Variants in ZMYM2 observed in about 807,000 individuals in gnomAD.
The protein encoded by ZMYM2 is zinc finger MYM-type containing 2.
Under a neutral mutation model 162.8 loss-of-function variants are expected in ZMYM2, and 56 were observed. That is an observed-to-expected ratio of 0.34 (90% confidence interval 0.28 to 0.43). The LOEUF is 0.43. Among genes scored for constraint, ZMYM2 ranks in the 20% least tolerant of loss-of-function variants. The pLI, the probability that ZMYM2 is intolerant of heterozygous loss-of-function variation, is 1.00. For synonymous variants in ZMYM2, 510 were observed against 541.6 expected (o/e 0.94, Z 0.81); for missense variants, 1,275 against 1,621.8 (o/e 0.79, Z 3.67).
chr13:20,082,254 G>A, intron 22 of ZMYM2, 124 bp downstream of exon 22: 1 of 712,900 alleles, frequency 1.4e-6, no homozygotes. Context: ...ACACTTACTC[G>A]AGCTCATCTG....
At chr13:19,884,823 T>C in the ZMYM2 span, among the ~76,000 whole-genome samples, 1,857 of 152,118 alleles carry the variant, frequency 0.012, 40 homozygotes, top group African/African-American at 0.041. Flanking sequence ...ACAACAAACA[T>C]TCCAGCAGTA....
At chr13:19,884,383 G>A in the ZMYM2 span, among the ~76,000 whole-genome samples, 3 of 151,032 alleles carry the variant, frequency 2.0e-5, no homozygotes, top group African/African-American at 7.3e-5. Context: ...AGACGGCCCG[G>A]GCTAACACAG....
chr13:20,081,585 T>C (rs935275097), intron 21 of ZMYM2, among the ~76,000 whole-genome samples: 2 of 152,186 alleles, frequency 1.3e-5, no homozygotes, highest in African/African-American at 4.8e-5. Context: ...TTTCCTCTCA[T>C]TCTTACCACT....
chr13:19,924,937 G>GCAAT, the ZMYM2 span, among the ~76,000 whole-genome samples: 2 of 148,638 alleles, frequency 1.3e-5, no homozygotes, highest in East Asian at 4.0e-4. Context: ...AGGTTGGAGT[G>GCAAT]CAATGGCCGT....
chr13:19,999,286 G>A (rs1157420065), intron 3 of ZMYM2, among the ~76,000 whole-genome samples: 2 of 152,158 alleles, frequency 1.3e-5, no homozygotes, highest in South Asian at 4.1e-4. Context: ...ATTGAGCCGA[G>A]TAAGTCTTTT....
In ZMYM2 at chr13:19,993,066, CT is replaced by C; in HGVS notation, c.-4del. On this transcript the variant is annotated 5_prime_UTR_variant, in exon 3 of 25. Coordinates refer to ENST00000610343, the MANE Select transcript of ZMYM2 (RefSeq NM_197968.4). ...CTTTTTTCTATCTTCCTAACAGGTTCTTTGGCATGGACACAAGTTCAGTGGG... is the reference window on the plus strand; with the variant it reads ...CTTTTTTCTATCTTCCTAACAGGTTCTTGGCATGGACACAAGTTCAGTGGG... 6.3e-7 allele frequency: 1 copy of C among 1,583,264 alleles called. No individual in the cohort carries two copies. The highest frequency in any genetic ancestry group is 8.6e-7 in the Non-Finnish European group (1 of 1,167,340).
chr13:19,938,021 T>G, the ZMYM2 span, among the ~76,000 whole-genome samples: 2 of 152,098 alleles, frequency 1.3e-5, no homozygotes, highest in African/African-American at 4.8e-5. Context: ...ATGGTGTATA[T>G]GTGCCACATT....
intron 2 of ZMYM2, among the ~76,000 whole-genome samples, chr13:19,989,414 G>T (rs930675372): frequency 6.6e-6 from 1 of 151,928 alleles, no homozygotes; most frequent in African/African-American, 2.4e-5. Context: ...AGCGATTTTC[G>T]TGCCTCAGCC....
the ZMYM2 span, among the ~76,000 whole-genome samples, chr13:19,906,284 G>GTTTATATA: frequency 1.6e-5 from 1 of 63,792 alleles, no homozygotes; most frequent in Non-Finnish European, 2.8e-5. Context: ...TCAAAAAAAA[G>GTTTATATA]TATATATATA....
chr13:20,047,560 A>G (rs1368019948), intron 12 of ZMYM2, among the ~76,000 whole-genome samples: 2 of 152,180 alleles, frequency 1.3e-5, no homozygotes, highest in Non-Finnish European at 2.9e-5. Flanking sequence ...CATTTCTTAA[A>G]TGGTAGTACA....
At chr13:19,906,446 CTATT>C in the ZMYM2 span, among the ~76,000 whole-genome samples, 3 of 147,834 alleles carry the variant, frequency 2.0e-5, no homozygotes, top group Non-Finnish European at 4.5e-5. Flanking sequence ...AGAATTTAAA[CTATT>C]TACATTTGAA....
intron 21 of ZMYM2, among the ~76,000 whole-genome samples, chr13:20,078,368 A>T (rs928499826): frequency 1.3e-5 from 2 of 152,170 alleles, no homozygotes; most frequent in African/African-American, 4.8e-5. Context: ...AATGTCTTAT[A>T]TTCCCAATAT....
intron 7 of ZMYM2, among the ~76,000 whole-genome samples, chr13:20,022,013 CT>C (rs1952154591): frequency 1.3e-5 from 2 of 152,288 alleles, no homozygotes; most frequent in Admixed American, 1.3e-4. Flanking sequence ...CTTCCCCCAG[CT>C]ACTTCTAGGC....
At chr13:19,954,233 A>G (rs1384126501), upstream of ZMYM2, among the ~76,000 whole-genome samples, 4 of 143,416 alleles carry the variant, frequency 2.8e-5, no homozygotes, top group East Asian at 2.2e-4. Flanking sequence ...GGTTCACGTC[A>G]TCCTCCTGCC....
chr13:20,058,624 A>G lies in ZMYM2; in HGVS notation c.2543A>G (p.Lys848Arg). 1 of 1,613,838 alleles carries G rather than the reference A, an allele frequency of 6.2e-7. No individual in the cohort carries two copies. Among genetic ancestry groups the G allele is most frequent in the Non-Finnish European group, 8.5e-7 (1 of 1,179,792 alleles). ...ACACCTAACAAAGAGATGAAGAACA[A>G]AGCAGTTCTTTGCAAACCTTTAACA... The part of the protein sequence containing the change: ...SPTPNKEMKN[K>R]AVLCKPLTMT... Residue 848 changes from lysine (K) to arginine (R), a missense_variant, in exon 15 of 25, where the codon AAA (lysine) becomes AGA (arginine). Transcript: ENST00000610343.
the ZMYM2 span, among the ~76,000 whole-genome samples, chr13:19,891,880 ATTTAT>A: frequency 6.6e-6 from 1 of 151,906 alleles, no homozygotes; most frequent in African/African-American, 2.4e-5. Context: ...TTATTACCAT[ATTTAT>A]TTTATCACTT....
intron 6 of ZMYM2, among the ~76,000 whole-genome samples, chr13:20,010,616 CTT>C (rs1037127108): frequency 1.3e-5 from 2 of 151,128 alleles, no homozygotes; most frequent in Non-Finnish European, 2.9e-5. Context: ...TCTTTTTTCT[CTT>C]TTTGTTTTTT....
chr13:19,935,092 G>T, the ZMYM2 span, among the ~76,000 whole-genome samples: 4 of 151,916 alleles, frequency 2.6e-5, no homozygotes, highest in Admixed American at 2.0e-4. Context: ...ATGTGATTTT[G>T]TGTTTGGTAA....
the ZMYM2 span, among the ~76,000 whole-genome samples, chr13:19,889,305 G>GAATTT: frequency 1.3e-5 from 2 of 151,794 alleles, no homozygotes; most frequent in African/African-American, 2.4e-5. Context: ...GGTTGTTTTG[G>GAATTT]AATTTATTTT....
Sources: gnomAD v4.1 joint callset for allele counts (sites outside exome capture counted in the v4.1 genomes callset) on GRCh38, gnomAD v4.1.1 for gene constraint, MANE v1.5 for transcripts, NCBI Gene and HGNC (gene_info 2026-07-23, HGNC 2026-07-21) for gene names.